The following ELN variants were observed in gnomAD, a reference collection of about 807,000 sequenced individuals.
ELN encodes elastin.
Under a neutral mutation model 105.8 loss-of-function variants are expected in ELN, and 65 were observed. That is an observed-to-expected ratio of 0.61 (90% confidence interval 0.50 to 0.75). The LOEUF (loss-of-function observed/expected upper bound fraction) is 0.75. Among genes scored for constraint, ELN ranks in the 30% least tolerant of loss-of-function variants. The pLI is 0.00. For missense variants in ELN, 882 were observed against 969.4 expected (o/e 0.91, Z 1.20); for synonymous variants, 368 against 389.2 (o/e 0.95, Z 0.64).
At chr7:74,046,629 T>C (rs1792586540) in intron 11 of ELN, 67 bp from the exon 12 acceptor site, 1 of 1,546,170 alleles carries the variant, frequency 6.5e-7, no homozygotes, top group Admixed American at 1.7e-5. Flanking sequence ...GAGCAGAAAG[T>C]GGAGTGGGTG....
In ELN at chr7:74,053,301, C is replaced by T. The variant is rs571843793; in HGVS notation, c.1088C>T (p.Ala363Val). The part of the protein sequence containing the change: ...VVPGAGIPGA[A>V]VPGVVSPEAA... ...CCAGGTGCTGGGATCCCAGGTGCTGCGGTTCCAGGTGAGCTGGGCTGTGTG... is the reference window on the plus strand; with the variant it reads ...CCAGGTGCTGGGATCCCAGGTGCTGTGGTTCCAGGTGAGCTGGGCTGTGTG... The change falls in exon 18 of 33, where the codon GCG (alanine) becomes GTG (valine). Residue 363 changes from alanine to valine, a missense_variant. Coordinates refer to ENST00000252034, the MANE Select transcript of ELN (RefSeq NM_000501.4). The T allele has an allele frequency of 3.7e-5, 60 of 1,610,356 alleles. No individual in the cohort carries two copies. Among genetic ancestry groups the T allele is most frequent in the East Asian group, 2.2e-4 (10 of 44,736 alleles).
intron 11 of ELN, 97 bp downstream of exon 11, chr7:74,046,314 C>A: frequency 6.5e-7 from 1 of 1,545,260 alleles, no homozygotes. Flanking sequence ...CAAGCCTGCC[C>A]AATTTCTCCC....
intron 29 of ELN, among the ~76,000 whole-genome samples, chr7:74,065,065 A>ACCC (rs141630252): frequency 6.8e-6 from 1 of 146,978 alleles, no homozygotes; most frequent in African/African-American, 2.5e-5. Flanking sequence ...ATGTAGCAAG[A>ACCC]CCCCCCCCCA....
chr7:74,057,473 G>A, intron 21 of ELN, 167 bp from the exon 22 acceptor site: 2 of 1,562,196 alleles, frequency 1.3e-6, no homozygotes, highest in Non-Finnish European at 1.7e-6. Context: ...TGCCAGGTGA[G>A]CTGTGTCTCC....
intron 12 of ELN, among the ~76,000 whole-genome samples, chr7:74,047,100 G>GA (rs11444741): frequency 0.11 from 16,935 of 149,556 alleles, 1,323 homozygotes; most frequent in African/African-American, 0.21. Context: ...AGAAAAAGAA[G>GA]AAAAAAAAAA....
chr7:74,061,270 A>G, intron 26 of ELN, 131 bp downstream of exon 26: 1 of 1,157,358 alleles, frequency 8.6e-7, no homozygotes, highest in Non-Finnish European at 1.3e-6. Flanking sequence ...TAATCCCAGC[A>G]CTTTGGGAGG....
In ELN at chr7:74,043,054, A is replaced by C. The variant is rs1554669734; in HGVS notation, c.376+20A>C. 1 of 1,613,550 alleles carries C rather than the reference A, an allele frequency of 6.2e-7. No homozygotes were observed. The highest frequency in any genetic ancestry group is 1.7e-5 in the Admixed American group (1 of 59,956). ...CTGCAGGTACGATGGCTATCCCCGAACTCCCTGGGTCAAAGTTGCAGGCCT... is the reference window on the plus strand; with the variant it reads ...CTGCAGGTACGATGGCTATCCCCGACCTCCCTGGGTCAAAGTTGCAGGCCT... On this transcript the variant is annotated intron_variant, in intron 7 of 32. Transcript: ENST00000252034.
chr7:74,052,997 T>G, intron 17 of ELN, 166 bp from the exon 18 acceptor site: 2 of 943,380 alleles, frequency 2.1e-6, no homozygotes, highest in Non-Finnish European at 3.3e-6. Context: ...GGGACCCTCT[T>G]AGTCTCTCCA....
chr7:74,063,121 T>C lies in ELN; in HGVS notation c.1787-32T>C. On this transcript the variant is annotated intron_variant, in intron 26 of 32. Coordinates refer to ENST00000252034, the MANE Select transcript of ELN (RefSeq NM_000501.4). This position sits in a 1 kb window ranked among gnomAD's most constrained non-coding sequence, Gnocchi z 4.1. The stretch of plus-strand genomic sequence containing the variant: ...GGCAGGGAGACCCATCGTTCAGAAA[T>C]GGAACACTCATTTTCCCTCCTCTCC... 2 of 1,586,384 alleles carry C rather than the reference T, an allele frequency of 1.3e-6. No individual in the cohort carries two copies. Among genetic ancestry groups the C allele is most frequent in the South Asian group, 1.2e-5 (1 of 86,262 alleles).
chr7:74,066,519 A>T (rs1323841475), intron 31 of ELN, among the ~76,000 whole-genome samples: 3 of 152,122 alleles, frequency 2.0e-5, no homozygotes, highest in African/African-American at 7.2e-5. Flanking sequence ...GTGAGCCAAG[A>T]TCGCACCACT....
At chr7:74,041,122 G>T in intron 4 of ELN, 94 bp from the exon 5 acceptor site, 1 of 1,543,268 alleles carries the variant, frequency 6.5e-7, no homozygotes, top group East Asian at 2.3e-5. Flanking sequence ...GGACCTGAGT[G>T]GCTGATCACA....
intron 6 of ELN, 24 bp downstream of exon 6, chr7:74,042,730 G>A (rs782251107): frequency 1.2e-6 from 2 of 1,610,506 alleles, no homozygotes; most frequent in Admixed American, 3.3e-5. Flanking sequence ...TTTGGGACAT[G>A]CCACAAGCCC....
chr7:74,030,376 G>A (rs1271373481), intron 1 of ELN, among the ~76,000 whole-genome samples: 3 of 152,054 alleles, frequency 2.0e-5, no homozygotes, highest in African/African-American at 7.2e-5. Context: ...GAGGGGACAA[G>A]CCGCACAGCT....
chr7:74,055,181 T>C (rs566168180), intron 19 of ELN, among the ~76,000 whole-genome samples: 1 of 152,356 alleles, frequency 6.6e-6, no homozygotes, highest in South Asian at 2.1e-4. Flanking sequence ...GGCTTACACC[T>C]GTAATCCCAG....
chr7:74,054,700 C>CT lies in ELN; in HGVS notation c.1097-12dup. 6.2e-7 allele frequency: 1 copy of CT among 1,614,106 alleles called. No individual in the cohort carries two copies. The highest frequency in any genetic ancestry group is 8.5e-7 in the Non-Finnish European group (1 of 1,179,966). ...CAATCTCTCCTGAGCATTTGTGTCC[C>CT]TTTTGGTCTCTCCAGGGGTTGTGTC... is the stretch of plus-strand genomic sequence containing the variant. On this transcript the variant is annotated splice_polypyrimidine_tract_variant and intron_variant, in intron 18 of 32. Transcript: ENST00000252034.
chr7:74,045,853 G>A (rs971178417), intron 10 of ELN: 24 of 351,544 alleles, frequency 6.8e-5, no homozygotes, highest in Admixed American at 1.2e-4. Context: ...TGACCAACAC[G>A]GTGAAGCCCT....
rs144755694 is a variant in ELN, at chr7:74,059,002, G to A, written c.1415-884G>A. Reference sequence around the variant, plus strand: ...CAGTGATGCCGTCAGCTCGCCGCAGGCCTCAAACTCCTAGCTTAAGCCATT... The same window carrying A: ...CAGTGATGCCGTCAGCTCGCCGCAGACCTCAAACTCCTAGCTTAAGCCATT... On this transcript the variant is annotated intron_variant, in intron 22 of 32. Coordinates refer to ENST00000252034, the MANE Select transcript of ELN (RefSeq NM_000501.4). 6.1e-4 allele frequency among the ~76,000 whole-genome samples: 93 copies of A among 152,008 alleles called. 1 individual carries two copies. The Middle Eastern group carries it at 0.037, about 61-fold the overall frequency.
chr7:74,052,871 A>AAGAG (rs782502952), intron 17 of ELN: 58 of 414,570 alleles, frequency 1.4e-4, no homozygotes, highest in Middle Eastern at 6.9e-4. Flanking sequence ...GAAAGAAAGA[A>AAGAG]AGAGAGAGAG....
At chr7:74,046,116 C>A (rs374891046) in intron 10 of ELN, 72 bp from the exon 11 acceptor site, 22 of 1,601,372 alleles carry the variant, frequency 1.4e-5, no homozygotes, top group Non-Finnish European at 1.8e-5. Flanking sequence ...CTTGGGCCTC[C>A]TGGCCCCTTG....
Sources: allele counts gnomAD v4.1 joint callset (sites outside exome capture counted in the v4.1 genomes callset), GRCh38; gene constraint gnomAD v4.1.1; non-coding constraint Gnocchi (gnomAD v3.1); transcripts MANE v1.5; gene names NCBI Gene and HGNC (gene_info 2026-07-23, HGNC 2026-07-21).